The following NBPF14 variants were observed in gnomAD, a reference collection of about 807,000 sequenced individuals.
NBPF14 encodes the protein NBPF member 14.
In NBPF14, 104 loss-of-function variants were observed where a neutral mutation model predicts 91.2. That is an observed-to-expected ratio of 1.14 (90% CI 0.97 to 1.34). NBPF14 has a LOEUF of 1.34. Ranked by LOEUF, NBPF14 falls within the 40% of genes most tolerant of loss-of-function variation. The pLI is 0.00. For synonymous variants in NBPF14, 294 were observed against 303.8 expected (o/e 0.97, Z 0.34); for missense variants, 908 against 783.0 (o/e 1.16, Z -1.91).
At chr1:148,534,974 A>C in intron 68 of NBPF14, 118 bp from the exon 69 acceptor site, 1 of 735,482 alleles carries the variant, frequency 1.4e-6, no homozygotes, top group South Asian at 1.4e-5. Context: ...CAGATCCATT[A>C]ATGAGGTAAC....
intron 3 of NBPF14, among the ~76,000 whole-genome samples, chr1:148,593,145 A>AG (rs1662769650): frequency 6.8e-6 from 1 of 147,864 alleles, no homozygotes; most frequent in South Asian, 2.2e-4. Context: ...TACAGAAATG[A>AG]GGCCAGGTGC....
intron 11 of NBPF14, among the ~76,000 whole-genome samples, chr1:148,584,101 G>T (rs1661155323): frequency 1.3e-5 from 2 of 151,684 alleles, no homozygotes; most frequent in South Asian, 4.2e-4. Flanking sequence ...AAATACAAAG[G>T]CAAGGCTGCC....
At chr1:148,590,053 T>C (rs1453550264) in intron 6 of NBPF14, among the ~76,000 whole-genome samples, 3 of 116,486 alleles carry the variant, frequency 2.6e-5, no homozygotes, top group African/African-American at 9.5e-5. Context: ...TTTTTTTTTT[T>C]TTTTTTTTTT....
rs1399159719 is a variant in NBPF14 at position 148,593,580 on chromosome 1, C to G, written c.278+18G>C. ...CTACACACCTACCCGCCTGCCTCCC[C>G]CTACGGGGTCCCCTCACCTGAGCTC... On this transcript the variant is annotated intron_variant, in intron 3 of 70. Coordinates refer to ENST00000619423, the Ensembl canonical transcript of NBPF14. The G allele has an allele frequency of 3.8e-6, 6 of 1,573,372 alleles. No homozygotes were observed. The highest frequency in any genetic ancestry group is 4.5e-5 in the East Asian group (2 of 44,792).
At chr1:148,577,609 G>C (rs1660121118) in intron 14 of NBPF14, among the ~76,000 whole-genome samples, 3 of 149,470 alleles carry the variant, frequency 2.0e-5, no homozygotes, top group South Asian at 2.1e-4. Flanking sequence ...TCAGTCAATT[G>C]GTCAGGTGAC....
rs1414139658 is a variant in NBPF14, at chr1:148,566,353, A to G, written c.3543-38T>C. ...GAAAAGGTAAAGAATAAGCCAGGGG[A>G]AATCAGACACAACAGAGCCTCAACT... On this transcript the variant is annotated intron_variant, in intron 28 of 70. Transcript: ENST00000619423. 16 of 748,800 alleles carry G rather than the reference A, an allele frequency of 2.1e-5. 1 individual carries two copies. Among genetic ancestry groups the G allele is most frequent in the African/African-American group, 3.9e-5 (2 of 51,040 alleles). 46.4% of individuals were successfully genotyped at this position (748,800 alleles called of 1,614,324 possible). A position where few individuals can be genotyped will look rare whatever the true frequency, so the allele number is the denominator to read the frequency against.
At chr1:148,572,463 C>A in exon 21 of NBPF14, 3 of 534,528 alleles carry the variant, frequency 5.6e-6, no homozygotes, top group South Asian at 3.7e-5. Flanking sequence ...AAGAGCCAAG[C>A]CAAGGTACTG....
intron 68 of NBPF14, among the ~76,000 whole-genome samples, chr1:148,535,159 G>A (rs1286993666): frequency 4.0e-5 from 6 of 149,328 alleles, no homozygotes; most frequent in South Asian, 2.1e-4. Flanking sequence ...GACACACAGC[G>A]AACAGTGATC....
chr1:148,576,060 C>A (rs1659653454), intron 16 of NBPF14, among the ~76,000 whole-genome samples: 1 of 146,074 alleles, frequency 6.8e-6, no homozygotes, highest in Non-Finnish European at 1.5e-5. Flanking sequence ...GGCCGGGTGA[C>A]ACACTGATGA....
intron 15 of NBPF14, 40 bp downstream of exon 15, chr1:148,577,143 A>C: frequency 1.6e-6 from 1 of 612,490 alleles, no homozygotes; most frequent in South Asian, 2.0e-5. Flanking sequence ...TAACCAGAAG[A>C]CTCAGTGGAT....
intron 13 of NBPF14, among the ~76,000 whole-genome samples, chr1:148,578,737 A>T (rs1244017659): frequency 4.2e-5 from 6 of 143,810 alleles, no homozygotes; most frequent in African/African-American, 1.3e-4. Context: ...GGCAAGAGAC[A>T]TTTAATTCAG....
chr1:148,560,654 T>C, exon 36 of NBPF14: 1 of 182,360 alleles, frequency 5.5e-6, no homozygotes, highest in Non-Finnish European at 9.1e-6. Context: ...TTTGATCTTC[T>C]TCCCCTTCTT....
rs1490699729 is a variant in NBPF14 at position 148,583,806 on chromosome 1, T to C, written c.1586-614A>G. On this transcript the variant is annotated intron_variant, in intron 11 of 70. Transcript: ENST00000619423. ...ATCACTTGAATCTGGGAGGCAGAGG[T>C]TGCACCAAGCCAAGATGGTGCCACT... Among the ~76,000 whole-genome samples the C allele has an allele frequency of 4.6e-5, 3 of 65,370 alleles. 1 individual carries two copies. Among genetic ancestry groups the C allele is most frequent in the Admixed American group, 2.7e-4 (2 of 7,492 alleles). The allele number at this position is 65,370 out of a possible 152,430, so 42.9% of individuals were successfully genotyped here. A position where few individuals can be genotyped will look rare whatever the true frequency, so the allele number is the denominator to read the frequency against.
In NBPF14 at chr1:148,534,874, A is replaced by G; in HGVS notation, c.8442-18T>C. Reference sequence around the variant, plus strand: ...TGCTGAGCCTGGAAAAGTAGGAAAAAGTAAAGAATAAGCCAGGGGGAATCA... The same window carrying G: ...TGCTGAGCCTGGAAAAGTAGGAAAAGGTAAAGAATAAGCCAGGGGGAATCA... On this transcript the variant is annotated intron_variant, in intron 68 of 70. Coordinates refer to ENST00000619423, the Ensembl canonical transcript of NBPF14. 12 of 800,894 alleles carry G rather than the reference A, an allele frequency of 1.5e-5. No individual in the cohort carries two copies. Among genetic ancestry groups the G allele is most frequent in the South Asian group, 1.4e-4 (10 of 72,786 alleles). 49.6% of individuals were successfully genotyped at this position (800,894 alleles called of 1,614,324 possible).
At chr1:148,534,615 G>A (rs1472206653) in intron 69 of NBPF14, 69 bp downstream of exon 69, 11 of 906,644 alleles carry the variant, frequency 1.2e-5, no homozygotes, top group African/African-American at 8.4e-5. Context: ...AGGGCCACTT[G>A]GAATAGGAAT....
intron 24 of NBPF14, among the ~76,000 whole-genome samples, 167 bp from the exon 25 acceptor site, chr1:148,569,594 T>G (rs1175386169): frequency 3.6e-4 from 11 of 30,860 alleles, no homozygotes; most frequent in Admixed American, 3.0e-3. Flanking sequence ...CAGGGCCAGA[T>G]AGAAAACAAT....
At chr1:148,566,547 AC>A (rs1658419435) in intron 28 of NBPF14, among the ~76,000 whole-genome samples, 8 of 143,850 alleles carry the variant, frequency 5.6e-5, no homozygotes, top group Admixed American at 5.5e-4. Flanking sequence ...ACACAAACAC[AC>A]ACACACACAC....
chr1:148,533,262 C>A lies in NBPF14; in HGVS notation c.8724-14G>T, dbSNP rs782360478. On this transcript the variant is annotated splice_polypyrimidine_tract_variant and intron_variant, in intron 70 of 70. Coordinates refer to ENST00000619423, the Ensembl canonical transcript of NBPF14. ...ACGCCGTTGAGCCTGGAAAAGGAGACAAAACTAAAGAAGCAGCCAGGGAAA... is the reference window on the plus strand; with the variant it reads ...ACGCCGTTGAGCCTGGAAAAGGAGAAAAAACTAAAGAAGCAGCCAGGGAAA... 1.7e-5 allele frequency: 11 copies of A among 653,102 alleles called. No individual in the cohort carries two copies. The highest frequency in any genetic ancestry group is 4.1e-4 in the Middle Eastern group (1 of 2,426). The allele number at this position is 653,102 out of a possible 1,614,324, so 40.5% of individuals were successfully genotyped here.
exon 17 of NBPF14, chr1:148,575,807 T>C: frequency 3.2e-6 from 1 of 308,652 alleles, no homozygotes; most frequent in Admixed American, 5.8e-5. Flanking sequence ...AGCTCCCTGC[T>C]GAGCCTGGAA....
Sources: allele counts gnomAD v4.1 joint callset (sites outside exome capture counted in the v4.1 genomes callset), GRCh38; gene constraint gnomAD v4.1.1; transcripts MANE v1.5; gene names NCBI Gene and HGNC (gene_info 2026-07-23, HGNC 2026-07-21).